Variants in DPH6 observed in about 807,000 individuals in gnomAD.
The protein encoded by DPH6 is diphthine--ammonia ligase.
A neutral mutation model predicts 38.2 loss-of-function variants in DPH6; 33 were observed. That is an observed-to-expected ratio of 0.86 (90% CI 0.65 to 1.15). The LOEUF is 1.15. Among genes scored for constraint, DPH6 ranks in the 50% most tolerant of loss-of-function variants. The pLI, the probability that DPH6 is intolerant of heterozygous loss-of-function variation, is 0.00. For synonymous variants in DPH6, 108 were observed against 103.0 expected (o/e 1.05, Z -0.30); for missense variants, 325 against 320.0 (o/e 1.02, Z -0.12).
rs543855211 is a variant in DPH6, at chr15:35,386,781, T to G, written c.568-4865A>C. Among the ~76,000 whole-genome samples, 9 of 151,248 alleles carry G rather than the reference T, an allele frequency of 6.0e-5. No individual in the cohort carries two copies. In the South Asian group the frequency reaches 1.3e-3, roughly 22 times the overall value. On this transcript the variant is annotated intron_variant, in intron 6 of 8. Transcript: ENST00000256538. ...AGTAGGTTGCAAAAATTTTCTCCCA[T>G]TTTGTAGGTTGCCTGTTCACACTGA...
At chr15:35,354,119 C>T (rs547413495) in intron 3 of DPH6, among the ~76,000 whole-genome samples, 6 of 152,194 alleles carry the variant, frequency 3.9e-5, no homozygotes, top group East Asian at 1.9e-4. Context: ...GTGATTTTTG[C>T]ACATTGATTT....
At chr15:35,351,221 T>C (rs964774543) in intron 3 of DPH6, among the ~76,000 whole-genome samples, 1 of 152,178 alleles carries the variant, frequency 6.6e-6, no homozygotes, top group Non-Finnish European at 1.5e-5. Context: ...TATCAACCCC[T>C]GCTGTCATTT....
At chr15:35,401,867 T>C (rs1355751133) in intron 6 of DPH6, 3 of 495,154 alleles carry the variant, frequency 6.1e-6, no homozygotes, top group Non-Finnish European at 1.2e-5. Context: ...TCAAGCACAG[T>C]GGTGGCAGGG....
At chr15:35,298,768 G>T in intron 3 of DPH6, 1 of 1,369,328 alleles carries the variant, frequency 7.3e-7, no homozygotes, top group Non-Finnish European at 1.0e-6. Context: ...CGAGGAAGGA[G>T]TTGCGCTGGG....
chr15:35,286,251 C>T (rs956805873), intron 3 of DPH6, among the ~76,000 whole-genome samples: 1 of 152,170 alleles, frequency 6.6e-6, no homozygotes, highest in Non-Finnish European at 1.5e-5. Flanking sequence ...TCCAGACAAA[C>T]ACCAAGAACT....
intron 7 of DPH6, among the ~76,000 whole-genome samples, chr15:35,379,883 G>A (rs953664564): frequency 6.6e-6 from 1 of 152,024 alleles, no homozygotes; most frequent in Non-Finnish European, 1.5e-5. Context: ...GGAGGCAATG[G>A]CAGCCAAAGC....
At chr15:35,321,747 A>C (rs911932390) in intron 3 of DPH6, among the ~76,000 whole-genome samples, 1 of 152,216 alleles carries the variant, frequency 6.6e-6, no homozygotes, top group African/African-American at 2.4e-5. Flanking sequence ...GTGACTCTGA[A>C]TAGACATGTT....
intron 3 of DPH6, among the ~76,000 whole-genome samples, chr15:35,460,187 C>T (rs2054046637): frequency 6.6e-6 from 1 of 152,088 alleles, no homozygotes; most frequent in African/African-American, 2.4e-5. Context: ...GAAGGAAAGA[C>T]ACATACACTG....
chr15:35,198,341 C>T, the DPH6 span, among the ~76,000 whole-genome samples: 3 of 152,174 alleles, frequency 2.0e-5, no homozygotes, highest in Admixed American at 1.3e-4. Context: ...ATTCCAATCA[C>T]ATCATATGGT....
At position 35,454,976 on chromosome 15, in the gene DPH6, G is replaced by T. The variant is rs532215342; in HGVS notation, c.313-156C>A. Reference sequence around the variant, plus strand: ...TATAATCGACATTCAGAAAAAATTTGCATATATTTAAATCATTCTCTCAGC... The same window carrying T: ...TATAATCGACATTCAGAAAAAATTTTCATATATTTAAATCATTCTCTCAGC... On this transcript the variant is annotated intron_variant, in intron 3 of 8. Transcript: ENST00000256538. Among the ~76,000 whole-genome samples the T allele has an allele frequency of 1.6e-4, 25 of 152,128 alleles. 2 individuals are homozygous for T. The South Asian group carries it at 4.8e-3, about 29-fold the overall frequency.
intron 3 of DPH6, among the ~76,000 whole-genome samples, chr15:35,272,319 T>C (rs1353968825): frequency 6.6e-5 from 10 of 152,146 alleles, no homozygotes; most frequent in Non-Finnish European, 2.9e-5. Flanking sequence ...TTGGTGTCCA[T>C]AGGGGTCCTG....
At chr15:35,306,435 G>A (rs1283984656) in intron 3 of DPH6, among the ~76,000 whole-genome samples, 1 of 152,140 alleles carries the variant, frequency 6.6e-6, no homozygotes, top group East Asian at 1.9e-4. Flanking sequence ...CCCTTATTGA[G>A]TCATGGTGTT....
intron 3 of DPH6, among the ~76,000 whole-genome samples, chr15:35,275,327 TAAAG>T (rs1222683597): frequency 1.3e-5 from 2 of 152,144 alleles, no homozygotes; most frequent in East Asian, 3.9e-4. Context: ...GTAGACTGGA[TAAAG>T]AAAATGTGGC....
intron 3 of DPH6, among the ~76,000 whole-genome samples, chr15:35,226,735 A>C (rs936050571): frequency 6.6e-6 from 1 of 152,242 alleles, no homozygotes; most frequent in Non-Finnish European, 1.5e-5. Context: ...GAATGAATAC[A>C]GTTAAAATGT....
intron 3 of DPH6, chr15:35,489,601 G>A: frequency 3.1e-6 from 3 of 982,378 alleles, no homozygotes; most frequent in Non-Finnish European, 3.6e-6. Flanking sequence ...ACCTACCCAA[G>A]AGCAAATATT....
At chr15:35,545,898 G>A (rs1000809435) in intron 1 of DPH6, among the ~76,000 whole-genome samples, 2 of 152,186 alleles carry the variant, frequency 1.3e-5, no homozygotes, top group Non-Finnish European at 2.9e-5. Flanking sequence ...AGGGCTAGAA[G>A]ACCAGAGAGC....
At chr15:35,394,639 A>C (rs1404410549) in intron 6 of DPH6, among the ~76,000 whole-genome samples, 1 of 152,168 alleles carries the variant, frequency 6.6e-6, no homozygotes, top group African/African-American at 2.4e-5. Context: ...GTTCATTCAA[A>C]TCCTGGCTGT....
chr15:35,470,147 G>A (rs957173002), intron 3 of DPH6, among the ~76,000 whole-genome samples: 5 of 152,130 alleles, frequency 3.3e-5, no homozygotes, highest in Non-Finnish European at 5.9e-5. Context: ...GCAGTGAGCC[G>A]AGATCGCACC....
At chr15:35,477,316 A>G (rs2054274463) in intron 3 of DPH6, among the ~76,000 whole-genome samples, 1 of 151,786 alleles carries the variant, frequency 6.6e-6, no homozygotes, top group Non-Finnish European at 1.5e-5. Context: ...AGGGGAGTGG[A>G]TTTTCTCTTA....
Sources: gnomAD v4.1 joint callset for allele counts (sites outside exome capture counted in the v4.1 genomes callset) on GRCh38, gnomAD v4.1.1 for gene constraint, MANE v1.5 for transcripts, NCBI Gene and HGNC (gene_info 2026-07-23, HGNC 2026-07-21) for gene names.